ERC1: variants seen among roughly 807,000 people sequenced by gnomAD.
ERC1 encodes the protein RAB6 interacting protein 2.
Under a neutral mutation model 132.0 loss-of-function variants are expected in ERC1, and 56 were observed. The ratio of observed to expected loss-of-function variants is 0.42; its 90% CI spans 0.34 to 0.53. ERC1 has a LOEUF of 0.53. ERC1 is among the 20% of genes least tolerant of loss of function. ERC1 has a pLI of 0.03. For synonymous variants in ERC1, 478 were observed against 476.1 expected, an observed-to-expected ratio of 1.00 and a Z score of -0.05; for missense variants, 1,202 against 1,349.9, an observed-to-expected ratio of 0.89 and a Z score of 1.72.
intron 2 of ERC1, among the ~76,000 whole-genome samples, chr12:1,040,192 G>T (rs1415571641): frequency 3.3e-5 from 5 of 152,224 alleles, no homozygotes; most frequent in Non-Finnish European, 7.4e-5. Flanking sequence ...GTGAGGAAAT[G>T]ATAAATTTTG....
At chr12:1,213,256 T>C (rs1331821788) in intron 12 of ERC1, among the ~76,000 whole-genome samples, 1 of 152,214 alleles carries the variant, frequency 6.6e-6, no homozygotes, top group East Asian at 1.9e-4. Flanking sequence ...CTTACATTTA[T>C]TTAGTACCTA....
intron 16 of ERC1, among the ~76,000 whole-genome samples, chr12:1,392,008 T>C (rs1275827432): frequency 6.6e-6 from 1 of 152,076 alleles, no homozygotes; most frequent in East Asian, 1.9e-4. Flanking sequence ...ATACTTAGTG[T>C]GCTGGAGAAA....
intron 16 of ERC1, among the ~76,000 whole-genome samples, chr12:1,396,012 A>G (rs2090513739): frequency 6.6e-6 from 1 of 152,102 alleles, no homozygotes; most frequent in Non-Finnish European, 1.5e-5. Context: ...TATTAAATCT[A>G]TTTGCGTGGA....
At chr12:1,022,018 G>A (rs1010472509) in intron 1 of ERC1, among the ~76,000 whole-genome samples, 16 of 152,156 alleles carry the variant, frequency 1.1e-4, no homozygotes, top group Non-Finnish European at 2.1e-4. Context: ...ACTTTAGTGT[G>A]ATACACTGTG....
intron 13 of ERC1, among the ~76,000 whole-genome samples, chr12:1,262,442 G>A (rs2077200923): frequency 6.6e-6 from 1 of 152,174 alleles, no homozygotes; most frequent in African/African-American, 2.4e-5. Flanking sequence ...AGCCAGACCG[G>A]TCACTTATAT....
chr12:1,056,110 A>G (rs1189973821), intron 2 of ERC1, among the ~76,000 whole-genome samples: 4 of 151,766 alleles, frequency 2.6e-5, no homozygotes, highest in Non-Finnish European at 5.9e-5. Context: ...GTCAGCAGAG[A>G]AAAACTGTTT....
chr12:1,392,918 A>T (rs925383806), intron 16 of ERC1, among the ~76,000 whole-genome samples: 2 of 152,228 alleles, frequency 1.3e-5, no homozygotes, highest in Admixed American at 1.3e-4. Flanking sequence ...CTGTGGGAAA[A>T]TTTTAACAAT....
At chr12:1,432,301 A>G (rs770041182) in intron 17 of ERC1, among the ~76,000 whole-genome samples, 12 of 152,234 alleles carry the variant, frequency 7.9e-5, no homozygotes, top group East Asian at 3.8e-4. Flanking sequence ...TCATGTTCAT[A>G]TAAAACCATT....
At chr12:1,179,531 G>A (rs1236910269) in intron 8 of ERC1, among the ~76,000 whole-genome samples, 4 of 119,744 alleles carry the variant, frequency 3.3e-5, no homozygotes, top group Admixed American at 3.1e-4. Flanking sequence ...TTTTTGAGAC[G>A]GAGTCTCGCT....
chr12:1,398,086 C>G (rs1436864477), intron 16 of ERC1, among the ~76,000 whole-genome samples: 1 of 152,132 alleles, frequency 6.6e-6, no homozygotes, highest in African/African-American at 2.4e-5. Flanking sequence ...CAGGCTCAAT[C>G]GATCCTCCCA....
intron 9 of ERC1, among the ~76,000 whole-genome samples, chr12:1,181,572 G>T (rs1464595853): frequency 6.6e-6 from 1 of 152,120 alleles, no homozygotes; most frequent in African/African-American, 2.4e-5. Context: ...GCCGAGGCGG[G>T]TGGATCATCT....
At position 1,141,551 on chromosome 12, in the gene ERC1, A is replaced by G. The variant is rs192300336; in HGVS notation, c.1570-69A>G. The G allele has an allele frequency of 8.8e-4, 1,141 of 1,298,424 alleles. 2 individuals carry two copies. Among genetic ancestry groups the G allele is most frequent in the Non-Finnish European group, 1.1e-3 (1,014 of 948,848 alleles). 80.4% of individuals were successfully genotyped at this position (1,298,424 alleles called of 1,614,324 possible). The stretch of plus-strand genomic sequence containing the variant: ...TCAACCTCTTTATAACCTTTATAAC[A>G]TATCTATTTGAAAGGAATTACATTC... On this transcript the variant is annotated intron_variant, in intron 7 of 18. Coordinates refer to ENST00000360905, the MANE Select transcript of ERC1 (RefSeq NM_178040.4).
chr12:1,129,713 A>G (rs1948570858), intron 7 of ERC1, among the ~76,000 whole-genome samples: 1 of 152,194 alleles, frequency 6.6e-6, no homozygotes, highest in Admixed American at 6.5e-5. Context: ...ATCATTCTTC[A>G]GTAAAGATAG....
At chr12:1,305,074 C>G (rs1460535751) in intron 15 of ERC1, among the ~76,000 whole-genome samples, 1 of 152,136 alleles carries the variant, frequency 6.6e-6, no homozygotes, top group African/African-American at 2.4e-5. Context: ...GCCACTGCTC[C>G]CGGCCTGTTT....
At chr12:1,438,074 C>T (rs1394475222) in intron 17 of ERC1, among the ~76,000 whole-genome samples, 1 of 152,144 alleles carries the variant, frequency 6.6e-6, no homozygotes, top group Non-Finnish European at 1.5e-5. Context: ...ACCTGAACTC[C>T]TAGTGGTAAC....
chr12:1,202,924 G>A (rs953780885), intron 12 of ERC1, among the ~76,000 whole-genome samples: 3 of 152,156 alleles, frequency 2.0e-5, no homozygotes, highest in African/African-American at 7.2e-5. Context: ...TTAGAGATCG[G>A]CTTCTTTCTG....
chr12:1,243,376 G>A (rs2075957904), intron 13 of ERC1, among the ~76,000 whole-genome samples: 2 of 150,316 alleles, frequency 1.3e-5, no homozygotes, highest in South Asian at 4.2e-4. Flanking sequence ...GCTATGTAGG[G>A]ATGTAATGAA....
intron 17 of ERC1, among the ~76,000 whole-genome samples, chr12:1,420,443 T>C (rs1275577281): frequency 6.7e-6 from 1 of 149,292 alleles, no homozygotes; most frequent in Non-Finnish European, 1.5e-5. Context: ...AACTTTTTTT[T>C]ATTTTATTTA....
At chr12:1,335,851 G>C (rs894806191) in intron 15 of ERC1, among the ~76,000 whole-genome samples, 1 of 151,942 alleles carries the variant, frequency 6.6e-6, no homozygotes, top group African/African-American at 2.4e-5. Flanking sequence ...ACTCTATCTG[G>C]TACTGGGCTT....
Sources: allele counts gnomAD v4.1 joint callset (sites outside exome capture counted in the v4.1 genomes callset), GRCh38; gene constraint gnomAD v4.1.1; transcripts MANE v1.5; gene names NCBI Gene and HGNC (gene_info 2026-07-23, HGNC 2026-07-21).